The following KAZN variants were observed in gnomAD, a reference collection of about 807,000 sequenced individuals.
KAZN encodes kazrin, periplakin interacting protein, also known as kazrin.
A neutral mutation model predicts 87.4 loss-of-function variants in KAZN; 40 were observed. That is an observed-to-expected ratio of 0.46 (90% CI 0.36 to 0.60). KAZN has a LOEUF of 0.60. KAZN is among the 20% of genes least tolerant of loss of function. The probability of loss-of-function intolerance (pLI) is 0.00; values close to 1 mark genes in which losing one functional copy is unlikely to be tolerated. For missense variants in KAZN, 898 were observed against 1,073.9 expected, an observed-to-expected ratio of 0.84 and a Z score of 2.29; for synonymous variants, 466 against 458.3, an observed-to-expected ratio of 1.02 and a Z score of -0.22.
Position 14,598,934 on chromosome 1 carries a change from C to T in KAZN, c.-64C>T, listed in dbSNP as rs1408889955. On this transcript the variant is annotated 5_prime_UTR_variant, in exon 1 of 15. Coordinates refer to ENST00000376030, the MANE Select transcript of KAZN (RefSeq NM_201628.3). The surrounding 1 kb of genome is among the most constrained non-coding windows in gnomAD (Gnocchi z 4.2). ...AGGTAGAGCCGGGGGTGCCCGGCCG[C>T]GCGCCCCCCGCGCATCATGCAGCTC... 5.1e-6 allele frequency: 8 copies of T among 1,554,454 alleles called. No individual in the cohort carries two copies. In the African/African-American group the frequency reaches 7.1e-5, roughly 14 times the overall value.
intron 1 of KAZN, among the ~76,000 whole-genome samples, chr1:14,667,043 C>A (rs999512564): frequency 2.6e-5 from 4 of 152,156 alleles, no homozygotes; most frequent in Non-Finnish European, 5.9e-5. Flanking sequence ...TAAGGCCCAC[C>A]CTAAATCCAG....
Position 14,960,814 on chromosome 1 carries a change from G to A in KAZN, c.357G>A (p.Glu119=). 1 of 1,613,174 alleles carries A rather than the reference G, an allele frequency of 6.2e-7. No individual in the cohort carries two copies. The highest frequency in any genetic ancestry group is 1.1e-5 in the South Asian group (1 of 90,890). The change falls in exon 2 of 15, where the codon GAG becomes GAA. Residue 119 remains glutamate (E), a synonymous_variant. Transcript: ENST00000376030. ...GKSSEVLSAT[E]LRVQLAQKEQ... ...CCTCTGAGGTCCTCTCGGCCACCGA[G>A]CTCAGGGTCCAGCTGGCCCAGAAGG...
At chr1:14,221,264 A>G (rs1647091044) in intron 2 of KAZN, among the ~76,000 whole-genome samples, 1 of 152,142 alleles carries the variant, frequency 6.6e-6, no homozygotes. Flanking sequence ...TCGAAAGGTA[A>G]GTATTGAATT....
intron 1 of KAZN, among the ~76,000 whole-genome samples, chr1:14,828,395 C>G (rs1205370522): frequency 6.6e-6 from 1 of 151,904 alleles, no homozygotes; most frequent in African/African-American, 2.4e-5. Flanking sequence ...AATGGAAAAC[C>G]GTGTTTAAAA....
chr1:14,538,377 T>C (rs1672619492), intron 2 of KAZN, among the ~76,000 whole-genome samples: 1 of 152,216 alleles, frequency 6.6e-6, no homozygotes. Flanking sequence ...ATTTTTGTGC[T>C]ATAACAACAT....
intron 1 of KAZN, among the ~76,000 whole-genome samples, chr1:14,824,706 T>G (rs541389192): frequency 5.3e-5 from 8 of 152,328 alleles, no homozygotes; most frequent in African/African-American, 1.7e-4. Context: ...GTCATCATCA[T>G]CATCATCTTC....
At position 14,735,594 on chromosome 1, in the gene KAZN, C is replaced by A. The variant is rs1334422758; in HGVS notation, c.226+136371C>A. 2.0e-5 allele frequency among the ~76,000 whole-genome samples: 3 copies of A among 152,152 alleles called. No individual in the cohort carries two copies. Among genetic ancestry groups the A allele is most frequent in the African/African-American group, 7.2e-5 (3 of 41,428 alleles). On this transcript the variant is annotated intron_variant, in intron 1 of 14. Coordinates refer to ENST00000376030, the MANE Select transcript of KAZN (RefSeq NM_201628.3). The surrounding 1 kb of genome is among the most constrained non-coding windows in gnomAD (Gnocchi z 4.3). ...TAACGGCCGTTTTCACATGGCAGCC[C>A]CCCACGCTGAGATCCATATACCCAA...
At position 14,719,096 on chromosome 1, in the gene KAZN, C is replaced by G. The variant is rs764842689; in HGVS notation, c.226+119873C>G. Among the ~76,000 whole-genome samples, 3 of 152,176 alleles carry G rather than the reference C, an allele frequency of 2.0e-5. 1 individual carries two copies. The highest frequency in any genetic ancestry group is 4.4e-5 in the Non-Finnish European group (3 of 68,032). On this transcript the variant is annotated intron_variant, in intron 1 of 14. Transcript: ENST00000376030. ...AGTCGCCATAGGACCAACCCACACTCAACTTTGCACATGTACTCTCTGCTT... is the reference window on the plus strand; with the variant it reads ...AGTCGCCATAGGACCAACCCACACTGAACTTTGCACATGTACTCTCTGCTT...
chr1:14,639,864 C>T (rs1049577234), intron 1 of KAZN, among the ~76,000 whole-genome samples: 3 of 152,144 alleles, frequency 2.0e-5, no homozygotes, highest in African/African-American at 7.2e-5. Context: ...TCCTCGTCTC[C>T]ATCGAGCAGC....
intron 2 of KAZN, among the ~76,000 whole-genome samples, chr1:14,569,008 T>C (rs1279362884): frequency 6.6e-6 from 1 of 152,170 alleles, no homozygotes; most frequent in Non-Finnish European, 1.5e-5. Context: ...AGTCACTCAA[T>C]GAACGTTTGC....
At position 14,788,614 on chromosome 1, in the gene KAZN, T is replaced by A. The variant is rs557651573; in HGVS notation, c.227-172070T>A. On this transcript the variant is annotated intron_variant, in intron 1 of 14. Coordinates refer to ENST00000376030, the MANE Select transcript of KAZN (RefSeq NM_201628.3). ...GAATAAAAGATGCATTGAGACCCAG[T>A]AGACCCTAAAGCACCAGGCACCAAA... is the stretch of plus-strand genomic sequence containing the variant. 2.6e-5 allele frequency among the ~76,000 whole-genome samples: 4 copies of A among 152,170 alleles called. No homozygotes were observed. The South Asian group carries it at 6.2e-4, about 24-fold the overall frequency.
intron 2 of KAZN, among the ~76,000 whole-genome samples, chr1:14,550,641 G>A (rs866511184): frequency 6.7e-6 from 1 of 149,850 alleles, no homozygotes; most frequent in Admixed American, 6.7e-5. Context: ...TTTTTTTAAC[G>A]AATAAGTTAA....
intron 13 of KAZN, among the ~76,000 whole-genome samples, chr1:15,107,909 A>C (rs753554963): frequency 6.6e-6 from 1 of 152,156 alleles, no homozygotes; most frequent in Non-Finnish European, 1.5e-5. Context: ...TCAGTGAGGC[A>C]AATTGTATGC....
intron 8 of KAZN, 66 bp downstream of exon 8, chr1:15,065,819 T>C: frequency 6.3e-7 from 1 of 1,591,214 alleles, no homozygotes; most frequent in African/African-American, 1.3e-5. Flanking sequence ...CTGCGCCTGC[T>C]GCCCGCAGGC....
At chr1:14,921,781 G>A (rs549988718) in intron 1 of KAZN, among the ~76,000 whole-genome samples, 7 of 152,190 alleles carry the variant, frequency 4.6e-5, no homozygotes, top group African/African-American at 1.2e-4. Flanking sequence ...GCACAATCTC[G>A]GCTATCTGCA....
chr1:15,000,632 C>T (rs1046746690), intron 2 of KAZN, among the ~76,000 whole-genome samples: 7 of 151,854 alleles, frequency 4.6e-5, no homozygotes, highest in Non-Finnish European at 5.9e-5. Flanking sequence ...CCTCCTAGAA[C>T]TGTTGGGAAG....
chr1:14,126,311 C>T (rs746894706), intron 1 of KAZN, among the ~76,000 whole-genome samples: 18 of 151,962 alleles, frequency 1.2e-4, no homozygotes, highest in African/African-American at 3.6e-4. Flanking sequence ...GAAAAGGCCT[C>T]GCATCTCTAT....
At chr1:14,086,455 A>G (rs1643859898) in intron 1 of KAZN, among the ~76,000 whole-genome samples, 1 of 152,052 alleles carries the variant, frequency 6.6e-6, no homozygotes, top group African/African-American at 2.4e-5. Context: ...TATGGTAGGT[A>G]TTTGGTTCTC....
rs138293753 is a variant in KAZN at position 14,904,606 on chromosome 1, G to A, written c.227-56078G>A. Among the ~76,000 whole-genome samples, 143 of 152,290 alleles carry A rather than the reference G, an allele frequency of 9.4e-4. 2 individuals carry two copies. The highest frequency in any genetic ancestry group is 2.8e-3 in the African/African-American group (118 of 41,554). ...CCCGTGCGCCACATGTCAGATTCCCGACTAGAGAAGCCAGTGCTCAGGTCT... is the reference window on the plus strand; with the variant it reads ...CCCGTGCGCCACATGTCAGATTCCCAACTAGAGAAGCCAGTGCTCAGGTCT... On this transcript the variant is annotated intron_variant, in intron 1 of 14. Transcript: ENST00000376030.
Sources: gnomAD v4.1 joint callset for allele counts (sites outside exome capture counted in the v4.1 genomes callset) on GRCh38, gnomAD v4.1.1 for gene constraint, Gnocchi (gnomAD v3.1) non-coding constraint, MANE v1.5 for transcripts, NCBI Gene and HGNC (gene_info 2026-07-23, HGNC 2026-07-21) for gene names.